INSIG1: variants seen among roughly 807,000 people sequenced by gnomAD.
The protein encoded by INSIG1 is insulin induced gene 1, also known as insulin-induced gene 1 protein.
A neutral mutation model predicts 26.5 loss-of-function variants in INSIG1; 14 were observed. The ratio of observed to expected loss-of-function variants is 0.53; its 90% CI spans 0.35 to 0.83. The LOEUF (loss-of-function observed/expected upper bound fraction) is 0.83. INSIG1 is among the 40% of genes least tolerant of loss of function. INSIG1 has a pLI of 0.01. For synonymous variants in INSIG1, 147 were observed against 153.3 expected, an observed-to-expected ratio of 0.96 and a Z score of 0.30; for missense variants, 272 against 368.9, an observed-to-expected ratio of 0.74 and a Z score of 2.15.
Position 155,302,121 on chromosome 7 carries a change from CACAGTTTTTATGG to C in INSIG1, c.538-124_538-112del. On this transcript the variant is annotated intron_variant, in intron 3 of 5. Coordinates refer to ENST00000340368, the MANE Select transcript of INSIG1 (RefSeq NM_005542.6). This position sits in a 1 kb window ranked among gnomAD's most constrained non-coding sequence, Gnocchi z 4.3. Reference sequence around the variant, plus strand: ...AACAAATCCTTTCTTTAGCTTATTACACAGTTTTTATGGACAGTGAATTATCTGTGGTACAATA... The same window carrying C: ...AACAAATCCTTTCTTTAGCTTATTACACAGTGAATTATCTGTGGTACAATA... 1.6e-6 allele frequency: 1 copy of C among 641,676 alleles called. No homozygotes were observed. Among genetic ancestry groups the C allele is most frequent in the South Asian group, 2.9e-5 (1 of 34,704 alleles). The allele number at this position is 641,676 out of a possible 1,614,324, so 39.7% of individuals were successfully genotyped here.
Position 155,302,795 on chromosome 7 carries a change from A to G in INSIG1, c.753A>G (p.Ile251Met). ...ATATTCGTTCTTGGCTCCCTTGTAT[A>G]TTTTTCTCAGGAGGCGTCACGGTGG... Reference protein sequence around the residue: ...FLYIRSWLPCIFFSGGVTVGN... With the variant: ...FLYIRSWLPCMFFSGGVTVGN... Residue 251 changes from isoleucine (I) to methionine (M), a missense_variant, in exon 5 of 6, where the codon ATA (isoleucine) becomes ATG (methionine). Physicochemically the swap from Ile to Met is conservative, Grantham distance 10. Around this residue, in one of 2 missense-constraint regions of INSIG1, gnomAD observed 111 missense variants for 189.8 expected, o/e 0.58. Transcript: ENST00000340368. This position sits in a 1 kb window ranked among gnomAD's most constrained non-coding sequence, Gnocchi z 4.3. 1 of 1,612,756 alleles carries G rather than the reference A, an allele frequency of 6.2e-7. No homozygotes were observed. The highest frequency in any genetic ancestry group is 8.5e-7 in the Non-Finnish European group (1 of 1,179,008).
chr7:155,305,663 C>G (rs1797917686), intron 5 of INSIG1, among the ~76,000 whole-genome samples: 1 of 152,208 alleles, frequency 6.6e-6, no homozygotes, highest in South Asian at 2.1e-4. Context: ...GCACCGGGAC[C>G]AGACCCGCCC....
chr7:155,306,623 C>T (rs562108102), intron 5 of INSIG1, among the ~76,000 whole-genome samples: 5 of 152,330 alleles, frequency 3.3e-5, no homozygotes, highest in East Asian at 1.9e-4. Context: ...TTGTGCTGAG[C>T]GTTTCCATTG....
chr7:155,299,479 C>G (rs559487409), intron 2 of INSIG1, among the ~76,000 whole-genome samples: 3 of 152,308 alleles, frequency 2.0e-5, no homozygotes. Context: ...CTTACTGCTC[C>G]TGTAGTCACA....
At chr7:155,304,719 A>AAAC (rs1329925183) in intron 5 of INSIG1, among the ~76,000 whole-genome samples, 1 of 152,206 alleles carries the variant, frequency 6.6e-6, no homozygotes, top group African/African-American at 2.4e-5. Flanking sequence ...ACAGAAAAAA[A>AAAC]TGTTAAAGAT....
chr7:155,307,666 G>A (rs976388263), intron 5 of INSIG1, among the ~76,000 whole-genome samples: 3 of 152,178 alleles, frequency 2.0e-5, no homozygotes, highest in African/African-American at 7.2e-5. Flanking sequence ...TGTGTGAATT[G>A]AGGGCACACA....
At chr7:155,299,385 T>C (rs774902281) in intron 2 of INSIG1, among the ~76,000 whole-genome samples, 1 of 152,242 alleles carries the variant, frequency 6.6e-6, no homozygotes, top group Non-Finnish European at 1.5e-5. Context: ...ACACGGGGAC[T>C]GCTGGGTGTG....
At position 155,298,543 on chromosome 7, in the gene INSIG1, G is replaced by C; in HGVS notation, c.258G>C (p.Gln86His). 6.2e-7 allele frequency: 1 copy of C among 1,605,730 alleles called. No individual in the cohort carries two copies. Among genetic ancestry groups the C allele is most frequent in the Non-Finnish European group, 8.5e-7 (1 of 1,176,194 alleles). Residue 86 changes from glutamine to histidine, a missense_variant, in exon 2 of 6, where the codon CAG (glutamine) becomes CAC (histidine). Physicochemically the swap from Gln to His is conservative, Grantham distance 24. This residue lies in a region of INSIG1 where 161 missense variants were observed against 179.2 expected (regional missense o/e 0.90). Transcript: ENST00000340368. ...YPNTWHHRLL[Q>H]RSLVLFSVGV... ...ACACCTGGCATCATCGCCTGTTGCA[G>C]AGGAGCCTCGTGCTCTTCTCGGTTG...
rs1797787340 is a variant in INSIG1, at chr7:155,301,639, C to T, written c.486C>T (p.Ala162=). The change falls in exon 3 of 6, where the codon GCC becomes GCT. Residue 162 remains alanine (A), a synonymous_variant. Coordinates refer to ENST00000340368, the MANE Select transcript of INSIG1 (RefSeq NM_005542.6). ...CCCACAAATTTAAGAGAGAATGGGC[C>T]AGTGTCATGCGCTGCATAGCAGTTT... is the stretch of plus-strand genomic sequence containing the variant. The part of the protein sequence containing the change: ...GEPHKFKREW[A]SVMRCIAVFV... 1 of 1,609,478 alleles carries T rather than the reference C, an allele frequency of 6.2e-7. No homozygotes were observed. Among genetic ancestry groups the T allele is most frequent in the East Asian group, 2.2e-5 (1 of 44,860 alleles).
In INSIG1 at chr7:155,308,356, T is replaced by A; in HGVS notation, c.*86T>A. The A allele has an allele frequency of 6.7e-7, 1 of 1,491,512 alleles. No homozygotes were observed. The highest frequency in any genetic ancestry group is 9.4e-7 in the Non-Finnish European group (1 of 1,068,766). The allele number at this position is 1,491,512 out of a possible 1,614,324, so 92.4% of individuals were successfully genotyped here. A position where few individuals can be genotyped will look rare whatever the true frequency, so the allele number is the denominator to read the frequency against. On this transcript the variant is annotated 3_prime_UTR_variant, in exon 6 of 6. Coordinates refer to ENST00000340368, the MANE Select transcript of INSIG1 (RefSeq NM_005542.6). ...TTATGACAAAGATTATCTTTTTTCT[T>A]AAGTAATCTATTTAGATCGGGCTGA...
At chr7:155,300,200 C>G (rs1025459290) in intron 2 of INSIG1, among the ~76,000 whole-genome samples, 2 of 152,032 alleles carry the variant, frequency 1.3e-5, no homozygotes, top group African/African-American at 4.8e-5. Flanking sequence ...AATAGTTTAG[C>G]CTTCAGTATT....
At position 155,298,139 on chromosome 7, in the gene INSIG1, C is replaced by T. The variant is rs570234289; in HGVS notation, c.-27-120C>T. On this transcript the variant is annotated intron_variant, in intron 1 of 5. Coordinates refer to ENST00000340368, the MANE Select transcript of INSIG1 (RefSeq NM_005542.6). ...CCGCCGCTGGCCCCGGGCGGGCGCA[C>T]GGGGGTCTAACCTTGGGGGGCGGCG... 7 of 793,550 alleles carry T rather than the reference C, an allele frequency of 8.8e-6. No homozygotes were observed. The African/African-American group carries it at 9.1e-5, about 10-fold the overall frequency. 49.2% of individuals were successfully genotyped at this position (793,550 alleles called of 1,614,324 possible).
Position 155,301,585 on chromosome 7 carries a change from C to T in INSIG1, c.432C>T (p.Tyr144=). The T allele has an allele frequency of 6.2e-7, 1 of 1,609,410 alleles. No individual in the cohort carries two copies. The highest frequency in any genetic ancestry group is 8.5e-7 in the Non-Finnish European group (1 of 1,176,674). The change falls in exon 3 of 6, where the codon TAC becomes TAT. Residue 144 remains tyrosine (Y), a synonymous_variant. Transcript: ENST00000340368. ...AAACAGCTGTTGTTGGCCTACTGTA[C>T]CCCTGTATCGACAGTCACCTCGGAG... The part of the protein sequence containing the change: ...GTAAAVVGLL[Y]PCIDSHLGEP...
At chr7:155,308,207 T>G in intron 5 of INSIG1, 34 bp from the exon 6 acceptor site, 1 of 1,150,834 alleles carries the variant, frequency 8.7e-7, no homozygotes, top group African/African-American at 1.6e-5. Context: ...GTGCTAATTT[T>G]CTCTTTCCTT....
In INSIG1 at chr7:155,302,345, T is replaced by C; in HGVS notation, c.632T>C (p.Leu211Pro). 1.2e-6 allele frequency: 2 copies of C among 1,612,052 alleles called. No homozygotes were observed. The highest frequency in any genetic ancestry group is 1.7e-6 in the Non-Finnish European group (2 of 1,179,096). Residue 211 changes from leucine to proline, a missense_variant, in exon 4 of 6, where the codon CTT becomes CCT. Physicochemically the swap from Leu to Pro is moderately conservative, Grantham distance 98. This residue lies in a region of INSIG1 where 111 missense variants were observed against 189.8 expected (regional missense o/e 0.58). Transcript: ENST00000340368. This position sits in a 1 kb window ranked among gnomAD's most constrained non-coding sequence, Gnocchi z 4.3. ...ACATTTGATCGTTCCAGAAGTGGCC[T>C]TGGGCTGGGGATCACCATAGCTTTT... is the stretch of plus-strand genomic sequence containing the variant. ...WWTFDRSRSG[L>P]GLGITIAFLA... is the part of the protein sequence containing the mutation.
Position 155,308,338 on chromosome 7 carries a change from A to C in INSIG1, c.*68A>C, listed in dbSNP as rs1300795873. On this transcript the variant is annotated 3_prime_UTR_variant, in exon 6 of 6. Transcript: ENST00000340368. ...AGAAAATCTGACTGTGGATTATGACAAAGATTATCTTTTTTCTTAAGTAAT... is the reference window on the plus strand; with the variant it reads ...AGAAAATCTGACTGTGGATTATGACCAAGATTATCTTTTTTCTTAAGTAAT... 4 of 1,590,432 alleles carry C rather than the reference A, an allele frequency of 2.5e-6. No homozygotes were observed. Among genetic ancestry groups the C allele is most frequent in the Non-Finnish European group, 3.5e-6 (4 of 1,158,686 alleles).
In INSIG1 at chr7:155,309,299, CA is replaced by C. The variant is rs1798022499; in HGVS notation, c.*1031del. 6.6e-6 allele frequency: 1 copy of C among 152,598 alleles called. No individual in the cohort carries two copies. The highest frequency in any genetic ancestry group is 6.5e-5 in the Admixed American group (1 of 15,290). 9.5% of individuals were successfully genotyped at this position (152,598 alleles called of 1,614,324 possible). A position where few individuals can be genotyped will look rare whatever the true frequency, so the allele number is the denominator to read the frequency against. Reference sequence around the variant, plus strand: ...AGTATTGGGTCTTAAACTTCAAGTGCAATGTATATGAAAACCAATCTGAGCC... The same window carrying C: ...AGTATTGGGTCTTAAACTTCAAGTGCATGTATATGAAAACCAATCTGAGCC... On this transcript the variant is annotated 3_prime_UTR_variant, in exon 6 of 6. Transcript: ENST00000340368.
chr7:155,308,191 C>A (rs1343165198), intron 5 of INSIG1, 50 bp from the exon 6 acceptor site: 2 of 915,894 alleles, frequency 2.2e-6, no homozygotes, highest in Non-Finnish European at 3.5e-6. Flanking sequence ...AATATTTATA[C>A]ATTTAGTGCT....
Position 155,298,555 on chromosome 7 carries a change from G to T in INSIG1, c.270G>T (p.Val90=). 6.2e-7 allele frequency: 1 copy of T among 1,609,208 alleles called. No homozygotes were observed. Among genetic ancestry groups the T allele is most frequent in the Admixed American group, 1.7e-5 (1 of 59,454 alleles). ...ATCGCCTGTTGCAGAGGAGCCTCGTGCTCTTCTCGGTTGGGGTGGTCCTAG... is the reference window on the plus strand; with the variant it reads ...ATCGCCTGTTGCAGAGGAGCCTCGTTCTCTTCTCGGTTGGGGTGGTCCTAG... ...WHHRLLQRSL[V]LFSVGVVLAL... Residue 90 remains valine, a synonymous_variant, in exon 2 of 6, where the codon GTG becomes GTT. Transcript: ENST00000340368.
Sources: allele counts gnomAD v4.1 joint callset (sites outside exome capture counted in the v4.1 genomes callset), GRCh38; gene constraint gnomAD v4.1.1; regional missense constraint gnomAD v4.1.1; non-coding constraint Gnocchi (gnomAD v3.1); transcripts MANE v1.5; gene names NCBI Gene and HGNC (gene_info 2026-07-23, HGNC 2026-07-21).